Variants in RCC1 observed in about 807,000 individuals in gnomAD.
The protein encoded by RCC1 is regulator of chromosome condensation 1, also known as regulator of chromosome condensation.
RCC1 carries 11 observed loss-of-function variants against 44.4 expected under a neutral mutation model. That is an observed-to-expected ratio of 0.25 (90% CI 0.16 to 0.41). The LOEUF (loss-of-function observed/expected upper bound fraction) is 0.41. RCC1 is among the 10% of genes least tolerant of loss of function. The pLI, the probability that RCC1 is intolerant of heterozygous loss-of-function variation, is 1.00. For missense variants in RCC1, 386 were observed against 547.1 expected (o/e 0.71, Z 2.94); for synonymous variants, 213 against 216.5 (o/e 0.98, Z 0.14).
chr1:28,520,689 G>T (rs550257239), intron 4 of RCC1, among the ~76,000 whole-genome samples: 169 of 152,168 alleles, frequency 1.1e-3, no homozygotes, highest in Non-Finnish European at 2.3e-3. Context: ...GCTCCTTGAA[G>T]ATGGAAGCTG....
rs868195556 is a variant in RCC1, at chr1:28,536,036, G to A, written c.817+10G>A. 5 of 1,599,628 alleles carry A rather than the reference G, an allele frequency of 3.1e-6. No homozygotes were observed. Among genetic ancestry groups the A allele is most frequent in the African/African-American group, 1.3e-5 (1 of 74,696 alleles). ...AACTACCATCAGCTTGGTGAGCCCC[G>A]AGCCCAGCTTCAGGCATGACCCAGT... On this transcript the variant is annotated intron_variant, in intron 10 of 12. Transcript: ENST00000683442. This position sits in a 1 kb window ranked among gnomAD's most constrained non-coding sequence, Gnocchi z 4.9.
At chr1:28,521,395 G>A (rs997368090) in intron 4 of RCC1, among the ~76,000 whole-genome samples, 2 of 151,844 alleles carry the variant, frequency 1.3e-5, no homozygotes, top group African/African-American at 4.8e-5. Flanking sequence ...CAGCTACTCG[G>A]GAGGCTGAGG....
chr1:28,535,839 G>GTC (rs1364288671), intron 9 of RCC1, 32 bp from the exon 10 acceptor site: 16 of 1,600,394 alleles, frequency 1.0e-5, no homozygotes, highest in Non-Finnish European at 1.4e-5. Flanking sequence ...GTGTCTGTCT[G>GTC]TCACTGACCG....
At position 28,508,914 on chromosome 1, in the gene RCC1, ATT is replaced by A. The variant is rs199555587; in HGVS notation, c.-153+19_-153+20del. 42 of 442,132 alleles carry A rather than the reference ATT, an allele frequency of 9.5e-5. No homozygotes were observed. Among genetic ancestry groups the A allele is most frequent in the African/African-American group, 2.8e-4 (14 of 50,044 alleles). The allele number at this position is 442,132 out of a possible 1,614,324, so 27.4% of individuals were successfully genotyped here. ...TATAGAAGGGAGAGTAGGTAAACTG[ATT>A]TTTTTTTTTAACAGGGAGGGTTTGA... is the stretch of plus-strand genomic sequence containing the variant. On this transcript the variant is annotated intron_variant, in intron 3 of 12. Coordinates refer to ENST00000683442, the MANE Select transcript of RCC1 (RefSeq NM_001381865.2).
chr1:28,522,701 G>A (rs1663360918), intron 4 of RCC1, among the ~76,000 whole-genome samples: 1 of 151,886 alleles, frequency 6.6e-6, no homozygotes, highest in South Asian at 2.1e-4. Context: ...TGTAGTCCCA[G>A]CTACTCTGGA....
At chr1:28,511,727 C>A (rs2124608059) in intron 3 of RCC1, among the ~76,000 whole-genome samples, 1 of 151,542 alleles carries the variant, frequency 6.6e-6, no homozygotes, top group East Asian at 1.9e-4. Flanking sequence ...ATGGAGCCAT[C>A]TTGGCTTGCT....
chr1:28,530,046 G>A (rs899874131), intron 5 of RCC1, 107 bp downstream of exon 5: 7 of 815,870 alleles, frequency 8.6e-6, no homozygotes, highest in African/African-American at 5.2e-5. Flanking sequence ...GGGTGTGGAT[G>A]TGCAGAGACC....
intron 4 of RCC1, among the ~76,000 whole-genome samples, chr1:28,521,523 A>AG (rs397979765): frequency 2.0e-5 from 3 of 148,968 alleles, no homozygotes; most frequent in Non-Finnish European, 4.5e-5. Flanking sequence ...AAAAAAAAAA[A>AG]GAAGGTGGCC....
chr1:28,509,829 C>G (rs534424364), intron 3 of RCC1: 1 of 152,040 alleles, frequency 6.6e-6, no homozygotes, highest in Non-Finnish European at 1.5e-5. Context: ...CCAATAGGAC[C>G]GTAAGTCTGG....
chr1:28,528,478 C>T (rs1033955436), intron 4 of RCC1, among the ~76,000 whole-genome samples: 3 of 151,986 alleles, frequency 2.0e-5, no homozygotes, highest in African/African-American at 7.2e-5. Context: ...CAAAACAAAA[C>T]TTAGCAGGGC....
chr1:28,527,223 C>T (rs541202330), intron 4 of RCC1: 13 of 823,444 alleles, frequency 1.6e-5, no homozygotes, highest in Middle Eastern at 3.4e-4. Flanking sequence ...CCACAGCAGC[C>T]GCGATCTTCA....
chr1:28,526,540 C>A, intron 4 of RCC1: 1 of 571,640 alleles, frequency 1.7e-6, no homozygotes, highest in South Asian at 2.0e-5. Context: ...AAGTTCACAT[C>A]GTGAAATTCC....
intron 7 of RCC1, among the ~76,000 whole-genome samples, chr1:28,533,963 T>G (rs1210011423): frequency 7.2e-6 from 1 of 138,380 alleles, no homozygotes; most frequent in South Asian, 2.7e-4. Flanking sequence ...GTGCAACCTC[T>G]GCCTCTCGGG....
At chr1:28,506,545 A>G (rs976661308) in intron 1 of RCC1, 1 of 233,724 alleles carries the variant, frequency 4.3e-6, no homozygotes, top group Non-Finnish European at 8.7e-6. Context: ...CCCAACTCTA[A>G]AGTACGCGTT....
chr1:28,515,592 C>T (rs1314969280), intron 3 of RCC1, among the ~76,000 whole-genome samples: 1 of 151,020 alleles, frequency 6.6e-6, no homozygotes, highest in African/African-American at 2.4e-5. Flanking sequence ...TGGTGCGTGT[C>T]TGTAATCCCA....
chr1:28,512,309 G>GATC (rs1466943358), intron 3 of RCC1, among the ~76,000 whole-genome samples: 3 of 152,012 alleles, frequency 2.0e-5, no homozygotes, highest in African/African-American at 7.2e-5. Flanking sequence ...ACTGGCTCTT[G>GATC]AAGGCAGGCT....
In RCC1 at chr1:28,536,644, G is replaced by A. The variant is rs1463520698; in HGVS notation, c.938-103G>A. 2 of 1,386,934 alleles carry A rather than the reference G, an allele frequency of 1.4e-6. No homozygotes were observed. The highest frequency in any genetic ancestry group is 1.3e-5 in the South Asian group (1 of 77,652). The allele number at this position is 1,386,934 out of a possible 1,614,324, so 85.9% of individuals were successfully genotyped here. A position where few individuals can be genotyped will look rare whatever the true frequency, so the allele number is the denominator to read the frequency against. On this transcript the variant is annotated intron_variant, in intron 11 of 12. Transcript: ENST00000683442. The surrounding 1 kb of genome is among the most constrained non-coding windows in gnomAD (Gnocchi z 4.9). The stretch of plus-strand genomic sequence containing the variant: ...AGATCTCCTTCTGATCGCTCTGGGA[G>A]CAGGGACACACTCCCATGGACAGGT...
rs1664688676 is a variant in RCC1 at position 28,538,371 on chromosome 1, G to A, written c.*364G>A. The A allele has an allele frequency of 5.8e-6, 1 of 172,438 alleles. No homozygotes were observed. Among genetic ancestry groups the A allele is most frequent in the Non-Finnish European group, 1.2e-5 (1 of 81,120 alleles). The allele number at this position is 172,438 out of a possible 1,614,324, so 10.7% of individuals were successfully genotyped here. On this transcript the variant is annotated 3_prime_UTR_variant, in exon 13 of 13. Transcript: ENST00000683442. ...CTGGGGTTTTGTGCCCACTCTCTGA[G>A]AAGTTGGGGCTCCATCAAGCCCCAT...
At position 28,535,848 on chromosome 1, in the gene RCC1, C is replaced by A. The variant is rs368010041; in HGVS notation, c.662-23C>A. On this transcript the variant is annotated intron_variant, in intron 9 of 12. Coordinates refer to ENST00000683442, the MANE Select transcript of RCC1 (RefSeq NM_001381865.2). The stretch of plus-strand genomic sequence containing the variant: ...CCATGTGTGTCTGTCTGTCACTGAC[C>A]GTGGCTTTCCCTTTGCCTGCAGAAC... 4.9e-5 allele frequency: 78 copies of A among 1,604,016 alleles called. 2 individuals carry two copies. The South Asian group carries it at 8.5e-4, about 17-fold the overall frequency.
Sources: allele counts gnomAD v4.1 joint callset (sites outside exome capture counted in the v4.1 genomes callset), GRCh38; gene constraint gnomAD v4.1.1; non-coding constraint Gnocchi (gnomAD v3.1); transcripts MANE v1.5; gene names NCBI Gene and HGNC (gene_info 2026-07-23, HGNC 2026-07-21).